LEPROTL1: variants seen among roughly 807,000 people sequenced by gnomAD.
LEPROTL1 encodes leptin receptor overlapping transcript like 1, also known as leptin receptor overlapping transcript-like 1.
In LEPROTL1, 6 loss-of-function variants were observed where a neutral mutation model predicts 15.4. The observed-to-expected ratio is 0.39, with a 90% CI of 0.21 to 0.77. LEPROTL1 has a LOEUF of 0.77. Among genes scored for constraint, LEPROTL1 ranks in the 30% least tolerant of loss-of-function variants. The probability of loss-of-function intolerance (pLI) is 0.41; values close to 1 mark genes in which losing one functional copy is unlikely to be tolerated. For missense variants in LEPROTL1, 128 were observed against 158.1 expected (o/e 0.81, Z 1.02); for synonymous variants, 56 against 52.6 (o/e 1.06, Z -0.28).
chr8:30,131,914 G>T, intron 3 of LEPROTL1: 1 of 1,524,008 alleles, frequency 6.6e-7, no homozygotes, highest in Non-Finnish European at 8.8e-7. Flanking sequence ...TGTTTCCTGG[G>T]TGTTTAAGGT....
At chr8:30,109,129 A>G (rs1411957100), downstream of LEPROTL1, among the ~76,000 whole-genome samples, 2 of 151,928 alleles carry the variant, frequency 1.3e-5, no homozygotes, top group African/African-American at 2.4e-5. Flanking sequence ...ATTTATATTG[A>G]ATGTGACTAG....
chr8:30,114,147 AC>A (rs1439528322), intron 3 of LEPROTL1, among the ~76,000 whole-genome samples: 2 of 152,010 alleles, frequency 1.3e-5, no homozygotes, highest in Non-Finnish European at 2.9e-5. Flanking sequence ...ATATGGATAA[AC>A]CTTATTCAAC....
chr8:30,122,146 A>C (rs1387832831), intron 3 of LEPROTL1, among the ~76,000 whole-genome samples: 3 of 151,816 alleles, frequency 2.0e-5, no homozygotes, highest in Non-Finnish European at 4.4e-5. Context: ...CAGCCTGGGC[A>C]ACAGAGCGAG....
intron 3 of LEPROTL1, among the ~76,000 whole-genome samples, chr8:30,121,575 A>C (rs914452658): frequency 2.0e-5 from 3 of 152,048 alleles, no homozygotes; most frequent in Non-Finnish European, 4.4e-5. Context: ...AATAAAATAA[A>C]CTCATGAGAT....
chr8:30,123,002 G>A lies in LEPROTL1; in HGVS notation c.280-9373G>A, dbSNP rs1802852430. Among the ~76,000 whole-genome samples, 5 of 152,190 alleles carry A rather than the reference G, an allele frequency of 3.3e-5. No individual in the cohort carries two copies. The South Asian group carries it at 8.3e-4, about 25-fold the overall frequency. On this transcript the variant is annotated intron_variant, in intron 3 of 4. Transcript: ENST00000442880. ...TACGTGTTTGTCTGCTCCACATGGT[G>A]TCAGCTGGGGGTTGGTGGATCATCT...
intron 4 of LEPROTL1, among the ~76,000 whole-genome samples, chr8:30,134,932 T>G (rs527371444): frequency 1.3e-5 from 2 of 152,166 alleles, no homozygotes; most frequent in African/African-American, 4.8e-5. Flanking sequence ...CAGGCTGGAG[T>G]GCAGTGGCAC....
intron 4 of LEPROTL1, among the ~76,000 whole-genome samples, chr8:30,134,154 G>A (rs1468589747): frequency 6.6e-6 from 1 of 152,170 alleles, no homozygotes; most frequent in African/African-American, 2.4e-5. Context: ...GCTGGGTGTG[G>A]TGGCTCACGC....
chr8:30,097,724 CACAT>C lies in LEPROTL1; in HGVS notation c.16+2198_16+2201del, dbSNP rs58509653. On this transcript the variant is annotated intron_variant, in intron 1 of 3. Transcript: ENST00000321250. ...ACACACACACACACACACACACACA[CACAT>C]ATTTAGTATTTAATGGAGTAGAAGT... 2.9e-3 allele frequency among the ~76,000 whole-genome samples: 437 copies of C among 148,414 alleles called. 4 individuals are homozygous for C. The highest frequency in any genetic ancestry group is 0.01 in the African/African-American group (404 of 40,342).
rs115581516 is a variant in LEPROTL1, at chr8:30,108,164, T to C, written c.*2302T>C. 1,184 of 283,142 alleles carry C rather than the reference T, an allele frequency of 4.2e-3. 26 individuals carry two copies. The highest frequency in any genetic ancestry group is 0.026 in the African/African-American group (1,135 of 44,052). The allele number at this position is 283,142 out of a possible 1,614,324, so 17.5% of individuals were successfully genotyped here. Reference sequence around the variant, plus strand: ...TAAGGTGATGTAAAGCAAGATGACATTGGTGTAATGTTAGAGTTGCAGAAG... The same window carrying C: ...TAAGGTGATGTAAAGCAAGATGACACTGGTGTAATGTTAGAGTTGCAGAAG... On this transcript the variant is annotated 3_prime_UTR_variant, in exon 4 of 4. Transcript: ENST00000321250.
chr8:30,136,396 C>T (rs1038328881), intron 4 of LEPROTL1, among the ~76,000 whole-genome samples: 2 of 152,178 alleles, frequency 1.3e-5, no homozygotes, highest in African/African-American at 2.4e-5. Context: ...AGAACCCAGC[C>T]CTGCTGACGT....
intron 3 of LEPROTL1, among the ~76,000 whole-genome samples, chr8:30,130,550 T>A (rs1180310798): frequency 1.3e-5 from 2 of 151,894 alleles, no homozygotes; most frequent in African/African-American, 4.8e-5. Flanking sequence ...ACAGAGGGAG[T>A]TATTTAGGAT....
rs1440187024 is a variant in LEPROTL1, at chr8:30,107,685, G to A, written c.*1823G>A. On this transcript the variant is annotated 3_prime_UTR_variant, in exon 4 of 4. Transcript: ENST00000321250. ...AATGTTCAGATTTCAAGAGGAAGGT[G>A]CAGGTACACATGAGTTAGAGAGCTG... The A allele has an allele frequency of 1.0e-6, 1 of 985,542 alleles. No homozygotes were observed. The highest frequency in any genetic ancestry group is 1.2e-6 in the Non-Finnish European group (1 of 829,928). 61.0% of individuals were successfully genotyped at this position (985,542 alleles called of 1,614,324 possible). A position where few individuals can be genotyped will look rare whatever the true frequency, so the allele number is the denominator to read the frequency against.
intron 1 of LEPROTL1, among the ~76,000 whole-genome samples, chr8:30,100,546 T>C (rs111923494): frequency 0.024 from 3,581 of 151,920 alleles, 145 homozygotes; most frequent in African/African-American, 0.082. Context: ...GCCTCCCGGG[T>C]TCAAGCAATT....
At chr8:30,105,252 G>A (rs1802543929) in intron 3 of LEPROTL1, among the ~76,000 whole-genome samples, 1 of 152,154 alleles carries the variant, frequency 6.6e-6, no homozygotes, top group Admixed American at 6.5e-5. Flanking sequence ...ATATGGAGAA[G>A]GCAATTGTTT....
At chr8:30,095,831 TC>T (rs1802353076) in intron 1 of LEPROTL1, 1 of 699,332 alleles carries the variant, frequency 1.4e-6, no homozygotes, top group Admixed American at 2.0e-5. Flanking sequence ...CAGTGAGGAG[TC>T]CCGTCGCGAC....
chr8:30,096,660 T>C (rs1802372442), intron 1 of LEPROTL1, among the ~76,000 whole-genome samples: 1 of 152,210 alleles, frequency 6.6e-6, no homozygotes, highest in Non-Finnish European at 1.5e-5. Flanking sequence ...TGCTGTGGTT[T>C]TTAGGATGTT....
chr8:30,100,827 G>GT (rs1802454516), intron 1 of LEPROTL1, among the ~76,000 whole-genome samples: 1 of 151,732 alleles, frequency 6.6e-6, no homozygotes, highest in Non-Finnish European at 1.5e-5. Flanking sequence ...TCACTAACGT[G>GT]AGAGCACCTT....
chr8:30,126,480 G>A (rs569106497), intron 3 of LEPROTL1, among the ~76,000 whole-genome samples: 23 of 152,246 alleles, frequency 1.5e-4, no homozygotes, highest in African/African-American at 5.5e-4. Context: ...TCATGGAATT[G>A]ATGAATCCAG....
intron 3 of LEPROTL1, among the ~76,000 whole-genome samples, chr8:30,129,711 TCACACACACACACACA>T (rs35105107): frequency 0.01 from 1,285 of 128,378 alleles, 41 homozygotes; most frequent in Admixed American, 0.074. Flanking sequence ...TGAGACCCTG[TCACACACACACACACA>T]CACACACACA....
Sources: allele counts gnomAD v4.1 joint callset (sites outside exome capture counted in the v4.1 genomes callset), GRCh38; gene constraint gnomAD v4.1.1; transcripts MANE v1.5; gene names NCBI Gene and HGNC (gene_info 2026-07-23, HGNC 2026-07-21).